Variants in BANP observed in about 807,000 individuals in gnomAD.
BANP encodes protein BANP.
In BANP, 11 loss-of-function variants were observed where a neutral mutation model predicts 68.1. The ratio of observed to expected loss-of-function variants is 0.16; its 90% CI spans 0.10 to 0.27. The LOEUF is 0.27. Among genes scored for constraint, BANP ranks in the 10% least tolerant of loss-of-function variants. BANP has a pLI of 1.00. For synonymous variants in BANP, 329 were observed against 303.2 expected, an observed-to-expected ratio of 1.09 and a Z score of -0.88; for missense variants, 504 against 722.7, an observed-to-expected ratio of 0.70 and a Z score of 3.47.
chr16:87,955,763 A>AC (rs2057920782), intron 1 of BANP, among the ~76,000 whole-genome samples: 3 of 152,098 alleles, frequency 2.0e-5, no homozygotes, highest in African/African-American at 4.8e-5. Flanking sequence ...TCGGGGTAAC[A>AC]CCATCAGTCA....
chr16:88,044,049 G>C (rs976919718), intron 11 of BANP, among the ~76,000 whole-genome samples: 4 of 152,224 alleles, frequency 2.6e-5, no homozygotes, highest in Non-Finnish European at 5.9e-5. Flanking sequence ...GGGGCTGGCA[G>C]GGGAACCGCT....
intron 2 of BANP, among the ~76,000 whole-genome samples, chr16:87,977,728 C>A (rs2062448696): frequency 6.6e-6 from 1 of 152,172 alleles, no homozygotes; most frequent in African/African-American, 2.4e-5. Flanking sequence ...AGAAAGACTT[C>A]TAGGATCATC....
intron 2 of BANP, among the ~76,000 whole-genome samples, chr16:87,976,315 C>A (rs1376332924): frequency 6.6e-6 from 1 of 152,162 alleles, no homozygotes; most frequent in African/African-American, 2.4e-5. Flanking sequence ...TTTGCTAAGG[C>A]TGGTATCTTT....
intron 1 of BANP, among the ~76,000 whole-genome samples, chr16:87,961,912 A>G (rs1257717911): frequency 6.6e-6 from 1 of 152,058 alleles, no homozygotes; most frequent in African/African-American, 2.4e-5. Context: ...GGACCCCTGG[A>G]CCTTGGACTT....
rs570998748 is a variant in BANP at position 87,986,536 on chromosome 16, C to T, written c.362+2277C>T. Among the ~76,000 whole-genome samples the T allele has an allele frequency of 7.9e-5, 12 of 151,162 alleles. No homozygotes were observed. In the East Asian group the frequency reaches 2.3e-3, roughly 29 times the overall value. ...GACACTGAGGTGACCTCGGCCAAGT[C>T]ACGCATTCATTCCCATCTGAGTTTC... On this transcript the variant is annotated intron_variant, in intron 4 of 13. Coordinates refer to ENST00000682872, the MANE Select transcript of BANP (RefSeq NM_001386991.1).
chr16:88,041,716 G>A (rs866562134), intron 11 of BANP, among the ~76,000 whole-genome samples: 1 of 152,198 alleles, frequency 6.6e-6, no homozygotes. Flanking sequence ...CAGTCGTGGT[G>A]CGCGCTTACA....
intron 4 of BANP, among the ~76,000 whole-genome samples, chr16:87,992,789 T>TG (rs2066210217): frequency 3.5e-5 from 4 of 112,950 alleles, no homozygotes; most frequent in South Asian, 4.6e-4. Context: ...GTGAGACTCC[T>TG]CAAAAAAAAA....
At chr16:87,952,850 C>G (rs939323084) in intron 1 of BANP, 1 of 152,218 alleles carries the variant, frequency 6.6e-6, no homozygotes, top group Non-Finnish European at 1.5e-5. Context: ...TCTTGGCTCA[C>G]TGCAGCCTCG....
intron 11 of BANP, among the ~76,000 whole-genome samples, chr16:88,040,556 G>A (rs1317546534): frequency 2.0e-5 from 3 of 152,176 alleles, no homozygotes; most frequent in African/African-American, 7.2e-5. Context: ...CAGAAGCCCC[G>A]AGCAGTGCGG....
At chr16:88,040,538 C>A (rs887586591) in intron 11 of BANP, among the ~76,000 whole-genome samples, 1 of 150,042 alleles carries the variant, frequency 6.7e-6, no homozygotes, top group Non-Finnish European at 1.5e-5. Context: ...TCCCCGTCCC[C>A]GTGCCTACAG....
At chr16:87,953,209 A>G (rs990802377) in intron 1 of BANP, among the ~76,000 whole-genome samples, 2 of 151,958 alleles carry the variant, frequency 1.3e-5, no homozygotes, top group African/African-American at 4.8e-5. Flanking sequence ...AAAAGCCCAT[A>G]TATTTAGTAT....
intron 11 of BANP, among the ~76,000 whole-genome samples, chr16:88,054,699 C>G (rs2084529757): frequency 6.6e-6 from 1 of 152,246 alleles, no homozygotes; most frequent in Non-Finnish European, 1.5e-5. Context: ...CCTGTCGAGA[C>G]TGAAATGACA....
chr16:88,004,184 C>G lies in BANP; in HGVS notation c.363-111C>G. On this transcript the variant is annotated intron_variant, in intron 4 of 13. Coordinates refer to ENST00000682872, the MANE Select transcript of BANP (RefSeq NM_001386991.1). The surrounding 1 kb of genome is among the most constrained non-coding windows in gnomAD (Gnocchi z 7.0). Reference sequence around the variant, plus strand: ...TGTTGAATGACTCTTAGGCCTCCCCCTCAGTGCGGGTCCCTGGGAGTGGAC... The same window carrying G: ...TGTTGAATGACTCTTAGGCCTCCCCGTCAGTGCGGGTCCCTGGGAGTGGAC... 2.7e-6 allele frequency: 2 copies of G among 731,446 alleles called. No individual in the cohort carries two copies. Among genetic ancestry groups the G allele is most frequent in the Middle Eastern group, 2.3e-4 (1 of 4,366 alleles). The allele number at this position is 731,446 out of a possible 1,614,324, so 45.3% of individuals were successfully genotyped here. A position where few individuals can be genotyped will look rare whatever the true frequency, so the allele number is the denominator to read the frequency against.
chr16:87,957,576 G>A lies in BANP; in HGVS notation c.-69+6061G>A, dbSNP rs2058341964. 2.0e-5 allele frequency among the ~76,000 whole-genome samples: 3 copies of A among 152,236 alleles called. No homozygotes were observed. The highest frequency in any genetic ancestry group is 4.4e-5 in the Non-Finnish European group (3 of 68,046). On this transcript the variant is annotated intron_variant, in intron 1 of 13. Coordinates refer to ENST00000682872, the MANE Select transcript of BANP (RefSeq NM_001386991.1). The surrounding 1 kb of genome is among the most constrained non-coding windows in gnomAD (Gnocchi z 4.3). ...TTTCGCTAGTGACCAGTTACCTTCT[G>A]TGTCTGAGAGAAGGCCGTTGTGGCC...
intron 1 of BANP, chr16:87,963,467 G>A (rs1280788669): frequency 2.6e-5 from 4 of 152,258 alleles, no homozygotes; most frequent in Non-Finnish European, 4.4e-5. Context: ...CGCTCTGCAT[G>A]GATCTGATCA....
chr16:88,006,308 T>C (rs747776068), intron 6 of BANP, 43 bp downstream of exon 6: 23 of 1,529,038 alleles, frequency 1.5e-5, no homozygotes, highest in Non-Finnish European at 2.0e-5. Context: ...GCCAGTACAA[T>C]TGTTTGTTTG....
Position 88,002,072 on chromosome 16 carries a change from G to A in BANP, c.363-2223G>A, listed in dbSNP as rs1390838986. On this transcript the variant is annotated intron_variant, in intron 4 of 13. Coordinates refer to ENST00000682872, the MANE Select transcript of BANP (RefSeq NM_001386991.1). The surrounding 1 kb of genome is among the most constrained non-coding windows in gnomAD (Gnocchi z 4.6). ...ACTAGGAATGTATTTTTGAAGAGCT[G>A]GATAGGGCTTTTTGGTTAATTATTG... 6.6e-6 allele frequency among the ~76,000 whole-genome samples: 1 copy of A among 152,186 alleles called. No homozygotes were observed. Among genetic ancestry groups the A allele is most frequent in the Non-Finnish European group, 1.5e-5 (1 of 68,034 alleles).
chr16:88,026,930 A>G (rs2077112873), intron 7 of BANP, among the ~76,000 whole-genome samples: 1 of 152,242 alleles, frequency 6.6e-6, no homozygotes, highest in South Asian at 2.1e-4. Context: ...CTGACAAAAC[A>G]AGTGGGAGGA....
intron 4 of BANP, among the ~76,000 whole-genome samples, chr16:87,984,841 C>T (rs902618516): frequency 4.6e-5 from 7 of 152,182 alleles, no homozygotes; most frequent in Admixed American, 2.6e-4. Flanking sequence ...CGTGCTGAAG[C>T]GCAGGCTCTG....
Sources: gnomAD v4.1 joint callset for allele counts (sites outside exome capture counted in the v4.1 genomes callset) on GRCh38, gnomAD v4.1.1 for gene constraint, Gnocchi (gnomAD v3.1) non-coding constraint, MANE v1.5 for transcripts, NCBI Gene and HGNC (gene_info 2026-07-23, HGNC 2026-07-21) for gene names.